Variants in SLC26A5 observed in about 807,000 individuals in gnomAD.
The protein encoded by SLC26A5 is prestin.
SLC26A5 carries 51 observed loss-of-function variants against 81.0 expected under a neutral mutation model. The observed-to-expected ratio is 0.63, with a 90% CI of 0.50 to 0.80. The LOEUF (loss-of-function observed/expected upper bound fraction) is 0.80, where lower values mean the gene tolerates loss of function less well. Ranked by LOEUF, SLC26A5 falls within the 30% of genes least tolerant of loss-of-function variation. The pLI is 0.00. For missense variants in SLC26A5, 771 were observed against 905.8 expected, an observed-to-expected ratio of 0.85 and a Z score of 1.91; for synonymous variants, 325 against 332.8, an observed-to-expected ratio of 0.98 and a Z score of 0.25.
At position 103,374,216 on chromosome 7, in the gene SLC26A5, G is replaced by C; in HGVS notation, c.*183C>G. The C allele has an allele frequency of 7.1e-7, 1 of 1,399,586 alleles. No individual in the cohort carries two copies. The highest frequency in any genetic ancestry group is 1.7e-5 in the South Asian group (1 of 59,188). 86.7% of individuals were successfully genotyped at this position (1,399,586 alleles called of 1,614,324 possible). On this transcript the variant is annotated 3_prime_UTR_variant, in exon 20 of 20. Transcript: ENST00000306312. Reference sequence around the variant, plus strand: ...GCAGGCAACAGGCCAATTTATCTTTGAAGTATTCAATTAAAAAAACACAAG... The same window carrying C: ...GCAGGCAACAGGCCAATTTATCTTTCAAGTATTCAATTAAAAAAACACAAG...
chr7:103,393,125 C>G (rs1822807823), intron 9 of SLC26A5, 59 bp from the exon 10 acceptor site: 2 of 1,603,540 alleles, frequency 1.2e-6, no homozygotes, highest in Non-Finnish European at 1.7e-6. Context: ...GAAAAAAAAC[C>G]TTGCGACTGC....
chr7:103,386,346 T>C (rs373575260), intron 14 of SLC26A5, among the ~76,000 whole-genome samples: 1 of 151,890 alleles, frequency 6.6e-6, no homozygotes, highest in African/African-American at 2.4e-5. Context: ...GGTGGGCAGA[T>C]TGCGAGGTCA....
chr7:103,427,663 G>A (rs1001482185), intron 2 of SLC26A5, among the ~76,000 whole-genome samples: 2 of 152,132 alleles, frequency 1.3e-5, no homozygotes, highest in Non-Finnish European at 2.9e-5. Context: ...GATTCACTGT[G>A]GTTTTGTGGT....
At chr7:103,387,504 G>A (rs532779964) in intron 14 of SLC26A5, among the ~76,000 whole-genome samples, 2 of 152,266 alleles carry the variant, frequency 1.3e-5, no homozygotes, top group African/African-American at 4.8e-5. Context: ...CACTTGTCAG[G>A]CACTGTGCTG....
chr7:103,364,981 A>ATATATATATATATATATATATATT (rs950613120), intron 19 of SLC26A5, among the ~76,000 whole-genome samples: 112 of 140,734 alleles, frequency 8.0e-4, no homozygotes, highest in Admixed American at 1.4e-3. Flanking sequence ...ATATATATAT[A>ATATATATATATATATATATATATT]TATTTAGAGA....
At chr7:103,392,635 C>T (rs542297284) in intron 10 of SLC26A5, among the ~76,000 whole-genome samples, 91 of 152,206 alleles carry the variant, frequency 6.0e-4, no homozygotes, top group African/African-American at 1.7e-3. Context: ...TGGAGTGCAG[C>T]GGCGCGACCT....
At chr7:103,438,963 G>C (rs1826667064) in intron 2 of SLC26A5, among the ~76,000 whole-genome samples, 1 of 152,104 alleles carries the variant, frequency 6.6e-6, no homozygotes, top group African/African-American at 2.4e-5. Flanking sequence ...GAAACAATGT[G>C]CAGACCCAAC....
chr7:103,363,852 A>T lies in SLC26A5; in HGVS notation c.2042-10926T>A, dbSNP rs559555917. Among the ~76,000 whole-genome samples, 14 of 152,168 alleles carry T rather than the reference A, an allele frequency of 9.2e-5. No individual in the cohort carries two copies. The East Asian group carries it at 2.7e-3, about 29-fold the overall frequency. On this transcript the variant is annotated intron_variant, in intron 19 of 19. Coordinates refer to the SLC26A5 transcript ENST00000339444. ...ATAATTTTGTTCCTTAAACACCATA[A>T]TTTTTTTTAAATTAGGAAAATATTT...
intron 2 of SLC26A5, among the ~76,000 whole-genome samples, chr7:103,436,554 G>A (rs1271746999): frequency 6.6e-6 from 1 of 152,144 alleles, no homozygotes; most frequent in Non-Finnish European, 1.5e-5. Context: ...ACCAATACAA[G>A]GAGCCAGGTA....
intron 8 of SLC26A5, among the ~76,000 whole-genome samples, chr7:103,406,075 C>G (rs1824024292): frequency 6.6e-6 from 1 of 152,204 alleles, no homozygotes; most frequent in Non-Finnish European, 1.5e-5. Flanking sequence ...GCTGTGGTGG[C>G]AGTGAGAATT....
chr7:103,372,837 T>C (rs1032548279), downstream of SLC26A5, among the ~76,000 whole-genome samples: 1 of 133,378 alleles, frequency 7.5e-6, no homozygotes, highest in South Asian at 2.3e-4. Context: ...ATTAAAACTA[T>C]AAAAATTCAC....
At chr7:103,359,172 A>ATTTTTTTTTTTTTTTTTTTT (rs1586155184) in intron 19 of SLC26A5, among the ~76,000 whole-genome samples, 3 of 58,386 alleles carry the variant, frequency 5.1e-5, no homozygotes, top group Non-Finnish European at 9.6e-5. Flanking sequence ...TTTTTTTTTA[A>ATTTTTTTTTTTTTTTTTTTT]TTTTTAGTAG....
chr7:103,376,662 A>G (rs1286876034), intron 19 of SLC26A5, 146 bp downstream of exon 19: 1 of 641,720 alleles, frequency 1.6e-6, no homozygotes, highest in Non-Finnish European at 2.6e-6. Flanking sequence ...GCTAATTTCA[A>G]AGCTGGCTTT....
chr7:103,409,504 T>C (rs1296447447), intron 7 of SLC26A5, among the ~76,000 whole-genome samples: 1 of 152,208 alleles, frequency 6.6e-6, no homozygotes, highest in Non-Finnish European at 1.5e-5. Context: ...TATATTGCAC[T>C]GTGTGAAAAA....
At chr7:103,404,496 T>C (rs559624891) in intron 8 of SLC26A5, among the ~76,000 whole-genome samples, 1 of 152,324 alleles carries the variant, frequency 6.6e-6, no homozygotes, top group African/African-American at 2.4e-5. Context: ...TTTAAGAATG[T>C]TGAATATTGG....
chr7:103,362,648 A>T (rs1008844543), intron 19 of SLC26A5: 7 of 1,552,068 alleles, frequency 4.5e-6, no homozygotes, highest in Non-Finnish European at 6.2e-6. Context: ...TTGAAAGCTT[A>T]AAGAATGTAT....
At chr7:103,355,909 A>G in intron 19 of SLC26A5, 1 of 700,830 alleles carries the variant, frequency 1.4e-6, no homozygotes, top group Non-Finnish European at 2.2e-6. Flanking sequence ...AATTCCAAGT[A>G]AATAAAGCTT....
At chr7:103,441,321 G>C (rs1826864090) in intron 2 of SLC26A5, among the ~76,000 whole-genome samples, 1 of 151,944 alleles carries the variant, frequency 6.6e-6, no homozygotes, top group African/African-American at 2.4e-5. Flanking sequence ...AGAAGAGTAG[G>C]GTAAACAAAT....
intron 19 of SLC26A5, among the ~76,000 whole-genome samples, chr7:103,366,953 T>C (rs370127473): frequency 6.6e-6 from 1 of 152,142 alleles, no homozygotes; most frequent in Non-Finnish European, 1.5e-5. Context: ...TACAGATGCC[T>C]ACCACCATGC....
Sources: gnomAD v4.1 joint callset for allele counts (sites outside exome capture counted in the v4.1 genomes callset) on GRCh38, gnomAD v4.1.1 for gene constraint, MANE v1.5 for transcripts, NCBI Gene and HGNC (gene_info 2026-07-23, HGNC 2026-07-21) for gene names.